The following SRGAP1 variants were observed in gnomAD, a reference collection of about 807,000 sequenced individuals.
SRGAP1 encodes SLIT-ROBO Rho GTPase-activating protein 1.
SRGAP1 carries 43 observed loss-of-function variants against 121.9 expected under a neutral mutation model. That is an observed-to-expected ratio of 0.35 (90% confidence interval 0.28 to 0.46). SRGAP1 has a LOEUF of 0.46. Among genes scored for constraint, SRGAP1 ranks in the 20% least tolerant of loss-of-function variants. SRGAP1 has a pLI of 1.00. For missense variants in SRGAP1, 1,102 were observed against 1,350.9 expected (o/e 0.82, Z 2.89); for synonymous variants, 447 against 485.4 (o/e 0.92, Z 1.04).
In SRGAP1 at chr12:64,043,492, C is replaced by T. The variant is rs766337005; in HGVS notation, c.718C>T (p.Arg240Trp). ...SENKLKSIKA[R>W]NEYLLTLEAT... ...AAATAAGCTAAAATCAATTAAGGCA[C>T]GGAACGAATATCTCCTAACACTTGA... is the stretch of plus-strand genomic sequence containing the variant. Residue 240 changes from arginine to tryptophan, a missense_variant, in exon 6 of 22, where the codon CGG becomes TGG. Around this residue, in one of 3 missense-constraint regions of SRGAP1, gnomAD observed 747 missense variants for 929.4 expected, o/e 0.80. Coordinates refer to ENST00000355086, the MANE Select transcript of SRGAP1 (RefSeq NM_020762.4). The T allele has an allele frequency of 1.3e-5, 21 of 1,612,000 alleles. No individual in the cohort carries two copies. Among genetic ancestry groups the T allele is most frequent in the South Asian group, 2.2e-5 (2 of 90,876 alleles).
At chr12:64,062,070 A>G (rs1288214134) in intron 6 of SRGAP1, among the ~76,000 whole-genome samples, 1 of 152,088 alleles carries the variant, frequency 6.6e-6, no homozygotes, top group Non-Finnish European at 1.5e-5. Context: ...GTCATATGGT[A>G]ACTCTATGTT....
At position 64,128,112 on chromosome 12, in the gene SRGAP1, A is replaced by G. The variant is rs2036727535; in HGVS notation, c.2792A>G (p.Asp931Gly). The G allele has an allele frequency of 1.9e-5, 31 of 1,614,024 alleles. No individual in the cohort carries two copies. The highest frequency in any genetic ancestry group is 2.5e-5 in the Non-Finnish European group (29 of 1,180,034). ...CGGCACGACTCCCTCAAGAAGATCG[A>G]CAGCCCTCCCATTAGAAGGTCCACG... is the stretch of plus-strand genomic sequence containing the variant. ...ISRHDSLKKI[D>G]SPPIRRSTSS... Residue 931 changes from aspartate (D) to glycine (G), a missense_variant, in exon 21 of 22, where the codon GAC becomes GGC. Asp to Gly is a moderately conservative substitution (Grantham distance 94, BLOSUM62 -1). Transcript: ENST00000355086.
Position 64,095,217 on chromosome 12 carries a change from C to G in SRGAP1, c.1678+13C>G, listed in dbSNP as rs764425061. 6.2e-7 allele frequency: 1 copy of G among 1,611,896 alleles called. No individual in the cohort carries two copies. Among genetic ancestry groups the G allele is most frequent in the Non-Finnish European group, 8.5e-7 (1 of 1,178,514 alleles). Reference sequence around the variant, plus strand: ...TCATTTGAGAGAGGTAATTGCACGTCTATCCCTATAAGCAAACCACGTTGA... The same window carrying G: ...TCATTTGAGAGAGGTAATTGCACGTGTATCCCTATAAGCAAACCACGTTGA... On this transcript the variant is annotated intron_variant, in intron 14 of 21. Transcript: ENST00000355086.
At chr12:64,138,373 G>C (rs1475891296) in intron 21 of SRGAP1, among the ~76,000 whole-genome samples, 1 of 150,564 alleles carries the variant, frequency 6.6e-6, no homozygotes, top group Non-Finnish European at 1.5e-5. Flanking sequence ...TCCATCTGTT[G>C]ATGGGGCACA....
intron 1 of SRGAP1, among the ~76,000 whole-genome samples, chr12:63,890,999 C>T (rs1900560274): frequency 6.6e-6 from 1 of 152,200 alleles, no homozygotes; most frequent in Non-Finnish European, 1.5e-5. Context: ...GGTAATGGCC[C>T]TGCCTAGTTC....
chr12:63,984,271 G>A (rs1446443095), intron 2 of SRGAP1, 129 bp downstream of exon 2: 1 of 433,494 alleles, frequency 2.3e-6, no homozygotes, highest in East Asian at 3.5e-5. Flanking sequence ...ATAAATAAAA[G>A]CAGCCCTCTA....
At chr12:64,062,873 A>G (rs2035474456) in intron 6 of SRGAP1, 44 bp from the exon 7 acceptor site, 4 of 1,513,536 alleles carry the variant, frequency 2.6e-6, no homozygotes, top group Admixed American at 1.8e-5. Flanking sequence ...TCTTTGATCA[A>G]TTTTGCATTC....
In SRGAP1 at chr12:64,020,826, A is replaced by T. The variant is rs1309214642; in HGVS notation, c.489+3814A>T. Among the ~76,000 whole-genome samples the T allele has an allele frequency of 4.2e-5, 6 of 144,022 alleles. No individual in the cohort carries two copies. The Admixed American group carries it at 4.2e-4, about 10-fold the overall frequency. The allele number at this position is 144,022 out of a possible 152,430, so 94.5% of individuals were successfully genotyped here. On this transcript the variant is annotated intron_variant, in intron 4 of 21. Coordinates refer to ENST00000355086, the MANE Select transcript of SRGAP1 (RefSeq NM_020762.4). Reference sequence around the variant, plus strand: ...CCACTGCACTCCAGCTTGGGTGACAAGAGTGAGACTCCGTCTCAAAAAAAA... The same window carrying T: ...CCACTGCACTCCAGCTTGGGTGACATGAGTGAGACTCCGTCTCAAAAAAAA...
At chr12:63,906,177 G>C (rs184001041) in intron 1 of SRGAP1, among the ~76,000 whole-genome samples, 1 of 152,228 alleles carries the variant, frequency 6.6e-6, no homozygotes, top group Admixed American at 6.5e-5. Flanking sequence ...CACTTAGCCT[G>C]TTTTGAGGCT....
At chr12:64,051,297 G>A (rs1460493213) in intron 6 of SRGAP1, among the ~76,000 whole-genome samples, 2 of 152,170 alleles carry the variant, frequency 1.3e-5, no homozygotes, top group African/African-American at 2.4e-5. Context: ...GTCTTTGGGT[G>A]ATGTGACTTC....
intron 1 of SRGAP1, among the ~76,000 whole-genome samples, chr12:63,846,653 C>T (rs1450542412): frequency 6.6e-6 from 1 of 152,132 alleles, no homozygotes; most frequent in Admixed American, 6.5e-5. Context: ...CTCCCTATTT[C>T]CTTCAACACT....
At chr12:63,917,624 T>G (rs1350147903) in intron 1 of SRGAP1, among the ~76,000 whole-genome samples, 1 of 149,550 alleles carries the variant, frequency 6.7e-6, no homozygotes. Context: ...GCTTGCTTTC[T>G]GTTTTGTTTT....
rs1411425832 is a variant in SRGAP1 at position 64,067,038 on chromosome 12, A to G, written c.1125+1819A>G. On this transcript the variant is annotated intron_variant, in intron 8 of 21. Coordinates refer to ENST00000355086, the MANE Select transcript of SRGAP1 (RefSeq NM_020762.4). ...TTGACCTGTTTTTTTTTAAAAGAAA[A>G]AAAAAAGGTCTGGCCACTCTGGCCC... Among the ~76,000 whole-genome samples, 4 of 152,224 alleles carry G rather than the reference A, an allele frequency of 2.6e-5. No homozygotes were observed. In the East Asian group the frequency reaches 5.8e-4, roughly 22 times the overall value.
intron 1 of SRGAP1, among the ~76,000 whole-genome samples, chr12:63,968,802 T>C (rs1024945140): frequency 1.3e-5 from 2 of 152,188 alleles, no homozygotes; most frequent in Non-Finnish European, 2.9e-5. Context: ...AGAGCCCTAG[T>C]CTAGGAGACT....
In SRGAP1 at chr12:63,897,115, A is replaced by T. The variant is rs531140566; in HGVS notation, c.67+52232A>T. On this transcript the variant is annotated intron_variant, in intron 1 of 21. Transcript: ENST00000355086. ...ATAAATTGAATCTTAGTTGACATTT[A>T]GGAAGAAGTCATTAAGTTACTCACA... Among the ~76,000 whole-genome samples the T allele has an allele frequency of 2.0e-5, 3 of 152,338 alleles. No homozygotes were observed. In the East Asian group the frequency reaches 5.8e-4, roughly 29 times the overall value.
At chr12:63,997,174 A>G (rs2033736762) in intron 3 of SRGAP1, among the ~76,000 whole-genome samples, 1 of 152,038 alleles carries the variant, frequency 6.6e-6, no homozygotes, top group Non-Finnish European at 1.5e-5. Flanking sequence ...CAATACAATT[A>G]CAGTATGCAA....
intron 1 of SRGAP1, among the ~76,000 whole-genome samples, chr12:63,898,185 C>A (rs1900816715): frequency 6.6e-6 from 1 of 152,164 alleles, no homozygotes; most frequent in Non-Finnish European, 1.5e-5. Flanking sequence ...CGCAAACTTG[C>A]AGGGGGGACT....
At chr12:64,036,863 T>C (rs1464943248) in intron 4 of SRGAP1, among the ~76,000 whole-genome samples, 1 of 152,200 alleles carries the variant, frequency 6.6e-6, no homozygotes, top group Non-Finnish European at 1.5e-5. Context: ...ACTCATACTG[T>C]ATATGAGACA....
rs2031241008 is a variant in SRGAP1 at position 63,925,828 on chromosome 12, T to G, written c.68-58119T>G. ...ACCGGGAAGCTGTAGGTTTCCTATG[T>G]CTGACCCCACTTTCCCCTAACCCAG... On this transcript the variant is annotated intron_variant, in intron 1 of 21. Transcript: ENST00000355086. 2.6e-5 allele frequency among the ~76,000 whole-genome samples: 4 copies of G among 152,192 alleles called. 1 individual carries two copies. In the South Asian group the frequency reaches 8.3e-4, roughly 32 times the overall value.
Sources: allele counts gnomAD v4.1 joint callset (sites outside exome capture counted in the v4.1 genomes callset), GRCh38; gene constraint gnomAD v4.1.1; regional missense constraint gnomAD v4.1.1; transcripts MANE v1.5; gene names NCBI Gene and HGNC (gene_info 2026-07-23, HGNC 2026-07-21).